The following KCNIP4 variants were observed in gnomAD, a reference collection of about 807,000 sequenced individuals.
The protein encoded by KCNIP4 is potassium voltage-gated channel interacting protein 4.
A neutral mutation model predicts 34.0 loss-of-function variants in KCNIP4; 12 were observed. The ratio of observed to expected loss-of-function variants is 0.35; its 90% CI spans 0.23 to 0.57. The LOEUF is 0.57. Among genes scored for constraint, KCNIP4 ranks in the 20% least tolerant of loss-of-function variants. The pLI, the probability that KCNIP4 is intolerant of heterozygous loss-of-function variation, is 0.83. For missense variants in KCNIP4, 238 were observed against 311.7 expected (o/e 0.76, Z 1.78); for synonymous variants, 124 against 102.2 (o/e 1.21, Z -1.29).
chr4:20,832,728 A>T (rs1396067292), intron 3 of KCNIP4, among the ~76,000 whole-genome samples: 1 of 89,136 alleles, frequency 1.1e-5, no homozygotes, highest in African/African-American at 4.6e-5. Flanking sequence ...TTTTTATTTA[A>T]AAAAAAAAAA....
At chr4:21,908,608 G>A (rs888040220) in intron 1 of KCNIP4, among the ~76,000 whole-genome samples, 6 of 152,084 alleles carry the variant, frequency 3.9e-5, no homozygotes, top group Admixed American at 2.0e-4. Flanking sequence ...CACAGTGAAA[G>A]GTATCTGGAA....
intron 1 of KCNIP4, among the ~76,000 whole-genome samples, chr4:21,822,928 A>G (rs1384025616): frequency 1.3e-5 from 2 of 152,064 alleles, no homozygotes; most frequent in Non-Finnish European, 2.9e-5. Flanking sequence ...CATGTTGGCC[A>G]GGCTGGTCTC....
intron 1 of KCNIP4, among the ~76,000 whole-genome samples, chr4:21,706,638 G>C (rs1047203236): frequency 2.0e-5 from 3 of 152,156 alleles, no homozygotes; most frequent in Admixed American, 6.5e-5. Flanking sequence ...TTGATTAAGG[G>C]AAGAAAGTTG....
At chr4:20,984,156 CT>C in intron 1 of KCNIP4, 1 of 577,186 alleles carries the variant, frequency 1.7e-6, no homozygotes, top group Non-Finnish European at 3.0e-6. Flanking sequence ...GGCTTCCCCC[CT>C]GCTACCACAG....
In KCNIP4 at chr4:21,340,263, T is replaced by G. The variant is rs999388272; in HGVS notation, c.62-457554A>C. 6.1e-4 allele frequency among the ~76,000 whole-genome samples: 9 copies of G among 14,788 alleles called. No homozygotes were observed. The East Asian group carries it at 8.8e-3, about 15-fold the overall frequency. 9.7% of individuals were successfully genotyped at this position (14,788 alleles called of 152,430 possible). On this transcript the variant is annotated intron_variant, in intron 1 of 8. Coordinates refer to ENST00000382152, the MANE Select transcript of KCNIP4 (RefSeq NM_025221.6). ...CTAAAGCTTTCCAAGATGTAGTATC[T>G]CTCTCATCTGTTGGCAGATTTTTCA...
intron 1 of KCNIP4, among the ~76,000 whole-genome samples, chr4:21,578,319 C>G (rs376958179): frequency 9.1e-6 from 1 of 110,374 alleles, no homozygotes; most frequent in Admixed American, 1.4e-4. Context: ...GGTGACAGAG[C>G]GAGACTCCGT....
chr4:21,942,956 A>G (rs543393044), intron 1 of KCNIP4, among the ~76,000 whole-genome samples: 3 of 152,038 alleles, frequency 2.0e-5, no homozygotes, highest in Non-Finnish European at 4.4e-5. Flanking sequence ...AACGGGTTTC[A>G]TCATGTTGGC....
At chr4:21,448,080 C>G (rs562037169) in intron 1 of KCNIP4, among the ~76,000 whole-genome samples, 3 of 152,062 alleles carry the variant, frequency 2.0e-5, no homozygotes, top group African/African-American at 7.3e-5. Flanking sequence ...GAGGCTATAA[C>G]AAATGCCTAA....
At chr4:21,167,030 G>T (rs865822829) in intron 1 of KCNIP4, among the ~76,000 whole-genome samples, 1 of 150,480 alleles carries the variant, frequency 6.6e-6, no homozygotes, top group Non-Finnish European at 1.5e-5. Flanking sequence ...ATACTATTTA[G>T]CATTAAAGTG....
chr4:20,862,544 G>A (rs537506811), intron 2 of KCNIP4, among the ~76,000 whole-genome samples: 6 of 152,090 alleles, frequency 3.9e-5, no homozygotes. Context: ...AATGGTATGT[G>A]GAGAGAGATG....
intron 1 of KCNIP4, among the ~76,000 whole-genome samples, chr4:21,411,340 T>C (rs909228544): frequency 1.3e-5 from 2 of 152,174 alleles, no homozygotes; most frequent in African/African-American, 4.8e-5. Context: ...GATCAATATT[T>C]GGCCAGTGAG....
At chr4:21,125,212 T>TTTTATTTTATTTTAA (rs1750520270) in intron 1 of KCNIP4, among the ~76,000 whole-genome samples, 1 of 147,240 alleles carries the variant, frequency 6.8e-6, no homozygotes, top group African/African-American at 2.5e-5. Flanking sequence ...TTTTATTTTA[T>TTTTATTTTATTTTAA]TTTATTTTAT....
At chr4:21,894,552 T>C (rs902774083) in intron 1 of KCNIP4, among the ~76,000 whole-genome samples, 1 of 152,108 alleles carries the variant, frequency 6.6e-6, no homozygotes, top group African/African-American at 2.4e-5. Flanking sequence ...AGTAGTAACA[T>C]AGAGATAATA....
chr4:21,893,606 C>T (rs764511674), intron 1 of KCNIP4, among the ~76,000 whole-genome samples: 1 of 152,148 alleles, frequency 6.6e-6, no homozygotes, highest in Non-Finnish European at 1.5e-5. Flanking sequence ...GAGTTCAGAG[C>T]AAAGCAATCC....
chr4:21,528,825 A>G (rs200652163), intron 1 of KCNIP4, among the ~76,000 whole-genome samples: 1 of 125,800 alleles, frequency 7.9e-6, no homozygotes, highest in Non-Finnish European at 1.8e-5. Flanking sequence ...GGAAGGAAGG[A>G]AGGAAGGAAG....
At chr4:21,896,519 G>A (rs1045439982) in intron 1 of KCNIP4, among the ~76,000 whole-genome samples, 76 of 136,084 alleles carry the variant, frequency 5.6e-4, no homozygotes, top group Admixed American at 2.2e-3. Context: ...AGAGGAGTAA[G>A]GACAAAGGAA....
chr4:21,853,228 G>T (rs1347662629), intron 1 of KCNIP4: 1 of 152,052 alleles, frequency 6.6e-6, no homozygotes, highest in African/African-American at 2.4e-5. Flanking sequence ...GCAGCATTTG[G>T]AAAGTTGTAA....
At chr4:21,890,138 C>A (rs1369343188) in intron 1 of KCNIP4, among the ~76,000 whole-genome samples, 2 of 152,100 alleles carry the variant, frequency 1.3e-5, no homozygotes, top group African/African-American at 4.8e-5. Flanking sequence ...TGTCTTAATG[C>A]ACCGTATGTT....
intron 1 of KCNIP4, among the ~76,000 whole-genome samples, chr4:21,281,214 G>C (rs1762757101): frequency 6.6e-6 from 1 of 150,986 alleles, no homozygotes; most frequent in African/African-American, 2.4e-5. Flanking sequence ...AGCCTCCCAA[G>C]TAGCTGGGAC....
Sources: allele counts gnomAD v4.1 joint callset (sites outside exome capture counted in the v4.1 genomes callset), GRCh38; gene constraint gnomAD v4.1.1; transcripts MANE v1.5; gene names NCBI Gene and HGNC (gene_info 2026-07-23, HGNC 2026-07-21).